CMSS1: variants seen among roughly 807,000 people sequenced by gnomAD.
The protein encoded by CMSS1 is cms1 ribosomal small subunit homolog, also known as protein CMSS1.
In CMSS1, 33 loss-of-function variants were observed where a neutral mutation model predicts 43.5. The ratio of observed to expected loss-of-function variants is 0.76; its 90% CI spans 0.57 to 1.01. The LOEUF (loss-of-function observed/expected upper bound fraction) is 1.01. CMSS1 is among the 50% of genes least tolerant of loss of function. The pLI, the probability that CMSS1 is intolerant of heterozygous loss-of-function variation, is 0.00. For missense variants in CMSS1, 313 were observed against 326.4 expected (o/e 0.96, Z 0.32); for synonymous variants, 115 against 117.2 (o/e 0.98, Z 0.12).
chr3:100,010,778 ATTTTTTTT>A (rs11371196), intron 1 of CMSS1, among the ~76,000 whole-genome samples: 1 of 93,678 alleles, frequency 1.1e-5, no homozygotes, highest in Admixed American at 1.3e-4. Context: ...CCACGCCCGG[ATTTTTTTT>A]TTTTTTTTTT....
At chr3:99,977,617 A>AT (rs1167846485) in intron 1 of CMSS1, among the ~76,000 whole-genome samples, 1 of 152,164 alleles carries the variant, frequency 6.6e-6, no homozygotes, top group Non-Finnish European at 1.5e-5. Flanking sequence ...AAATTAGTTG[A>AT]TTTTTTTAGT....
chr3:99,973,233 T>A (rs1203749154), intron 1 of CMSS1, among the ~76,000 whole-genome samples: 2 of 151,424 alleles, frequency 1.3e-5, no homozygotes, highest in Non-Finnish European at 2.9e-5. Flanking sequence ...TGAATAAAAA[T>A]TTTTTTTCTC....
chr3:99,956,732 TTTC>T (rs1252202914), intron 1 of CMSS1, among the ~76,000 whole-genome samples: 1 of 152,216 alleles, frequency 6.6e-6, no homozygotes, highest in Non-Finnish European at 1.5e-5. Flanking sequence ...CTGTAGTTTC[TTTC>T]TCACTATTGG....
intron 1 of CMSS1, among the ~76,000 whole-genome samples, chr3:99,919,467 G>T (rs1223738648): frequency 6.7e-6 from 1 of 149,934 alleles, no homozygotes; most frequent in African/African-American, 2.5e-5. Flanking sequence ...ATCAATTATT[G>T]TTTTTGTTTT....
At chr3:100,139,357 AC>A (rs1424570792) in intron 1 of CMSS1, among the ~76,000 whole-genome samples, 1 of 151,742 alleles carries the variant, frequency 6.6e-6, no homozygotes, top group Non-Finnish European at 1.5e-5. Context: ...TAAAAAAAAA[AC>A]CCTTGAAACA....
At chr3:99,876,757 A>C (rs889155454) in intron 1 of CMSS1, among the ~76,000 whole-genome samples, 11 of 152,108 alleles carry the variant, frequency 7.2e-5, no homozygotes, top group African/African-American at 2.7e-4. Context: ...TGGAAAGGCC[A>C]GATGAAATCT....
At chr3:99,830,572 G>T in intron 1 of CMSS1, 1 of 456,638 alleles carries the variant, frequency 2.2e-6, no homozygotes, top group Non-Finnish European at 4.4e-6. Context: ...TTAGGGATCC[G>T]TGCTGGGATT....
chr3:99,979,102 C>G lies in CMSS1; in HGVS notation c.64+161059C>G, dbSNP rs77780993. On this transcript the variant is annotated intron_variant, in intron 1 of 9. Transcript: ENST00000421999. ...AGCTAGAAGACAGGATTTCTAACTT[C>G]CCCAACACAAAGAAATGATAAATGT... Among the ~76,000 whole-genome samples the G allele has an allele frequency of 3.4e-3, 515 of 152,148 alleles. 2 individuals carry two copies. The highest frequency in any genetic ancestry group is 5.5e-3 in the Non-Finnish European group (377 of 67,992).
chr3:100,139,577 A>ATG (rs1559769113), intron 1 of CMSS1, among the ~76,000 whole-genome samples: 2 of 143,500 alleles, frequency 1.4e-5, no homozygotes, highest in Non-Finnish European at 1.5e-5. Flanking sequence ...ATGTATATAT[A>ATG]TGTGTATATA....
chr3:100,039,127 TG>T (rs879407121), intron 1 of CMSS1, among the ~76,000 whole-genome samples: 9 of 152,360 alleles, frequency 5.9e-5, no homozygotes, highest in Non-Finnish European at 8.8e-5. Flanking sequence ...GTATTGGTAT[TG>T]AAATTATCAT....
intron 1 of CMSS1, among the ~76,000 whole-genome samples, chr3:99,876,459 T>C (rs1224881024): frequency 6.6e-6 from 1 of 152,226 alleles, no homozygotes; most frequent in Non-Finnish European, 1.5e-5. Flanking sequence ...GTCGATCCGC[T>C]TGTAACTTTT....
At position 100,176,429 on chromosome 3, in the gene CMSS1, A is replaced by G. The variant is rs772089419; in HGVS notation, c.756+14A>G. The G allele has an allele frequency of 1.3e-6, 2 of 1,559,492 alleles. No individual in the cohort carries two copies. Among genetic ancestry groups the G allele is most frequent in the Non-Finnish European group, 1.8e-6 (2 of 1,131,268 alleles). Reference sequence around the variant, plus strand: ...GACATTCCCGAGGTACCACGTAACCAGCAGTTGCCTTTAATCATTTTTTCT... The same window carrying G: ...GACATTCCCGAGGTACCACGTAACCGGCAGTTGCCTTTAATCATTTTTTCT... On this transcript the variant is annotated intron_variant, in intron 9 of 9. Transcript: ENST00000421999.
chr3:100,041,766 G>A (rs1167688107), intron 1 of CMSS1, among the ~76,000 whole-genome samples: 1 of 152,150 alleles, frequency 6.6e-6, no homozygotes, highest in Non-Finnish European at 1.5e-5. Flanking sequence ...AGACCTACCA[G>A]AGATCTTTTA....
chr3:100,096,609 T>A (rs1284826673), intron 1 of CMSS1, among the ~76,000 whole-genome samples: 1 of 150,814 alleles, frequency 6.6e-6, no homozygotes, highest in Non-Finnish European at 1.5e-5. Flanking sequence ...GTTACCAGAG[T>A]CTGGGAAGAG....
chr3:99,899,597 TCAG>T (rs953880766), intron 1 of CMSS1, among the ~76,000 whole-genome samples: 49 of 152,336 alleles, frequency 3.2e-4, no homozygotes, highest in African/African-American at 1.2e-3. Context: ...ATTGCATTCT[TCAG>T]CAAACTATTT....
chr3:100,001,329 C>T (rs935032842), intron 1 of CMSS1, among the ~76,000 whole-genome samples: 3 of 152,160 alleles, frequency 2.0e-5, no homozygotes, highest in Admixed American at 6.5e-5. Context: ...GTTTCTGTGA[C>T]GCAGTGTCAG....
chr3:99,832,630 G>T (rs1413801588), intron 1 of CMSS1, among the ~76,000 whole-genome samples: 1 of 146,468 alleles, frequency 6.8e-6, no homozygotes, highest in Non-Finnish European at 1.5e-5. Context: ...ATCACTTGAG[G>T]TCAGGAGTTC....
chr3:99,868,639 A>C (rs1042172058), intron 1 of CMSS1, among the ~76,000 whole-genome samples: 2 of 152,186 alleles, frequency 1.3e-5, no homozygotes, highest in African/African-American at 2.4e-5. Context: ...TGGGTTTTTA[A>C]ACTTACAGTT....
intron 1 of CMSS1, among the ~76,000 whole-genome samples, chr3:99,984,060 T>G (rs73138630): frequency 0.034 from 839 of 24,890 alleles, 15 homozygotes; most frequent in African/African-American, 0.11. Context: ...GTATGTGTGT[T>G]TGTGTGTGTG....
Sources: gnomAD v4.1 joint callset for allele counts (sites outside exome capture counted in the v4.1 genomes callset) on GRCh38, gnomAD v4.1.1 for gene constraint, MANE v1.5 for transcripts, NCBI Gene and HGNC (gene_info 2026-07-23, HGNC 2026-07-21) for gene names.